NALCN: variants seen among roughly 807,000 people sequenced by gnomAD.
NALCN encodes the protein sodium leak channel NALCN.
In NALCN, 111 loss-of-function variants were observed where a neutral mutation model predicts 225.3. The ratio of observed to expected loss-of-function variants is 0.49; its 90% CI spans 0.42 to 0.58. The LOEUF is 0.58. Among genes scored for constraint, NALCN ranks in the 20% least tolerant of loss-of-function variants. The pLI is 0.00. For synonymous variants in NALCN, 764 were observed against 769.0 expected, an observed-to-expected ratio of 0.99 and a Z score of 0.11; for missense variants, 1,378 against 2,202.4, an observed-to-expected ratio of 0.63 and a Z score of 7.49.
intron 26 of NALCN, among the ~76,000 whole-genome samples, chr13:101,101,674 T>G (rs2034830255): frequency 6.6e-6 from 1 of 152,168 alleles, no homozygotes; most frequent in African/African-American, 2.4e-5. Flanking sequence ...GAATGTTCTA[T>G]GCATAGAGGA....
intron 7 of NALCN, among the ~76,000 whole-genome samples, chr13:101,299,311 A>G (rs917721717): frequency 5.3e-5 from 8 of 152,244 alleles, no homozygotes; most frequent in African/African-American, 1.9e-4. Context: ...TACATTAATT[A>G]AAATCGAAAA....
chr13:101,081,344 GGTGT>G (rs2139507183), intron 34 of NALCN, among the ~76,000 whole-genome samples, 179 bp downstream of exon 34: 1 of 152,176 alleles, frequency 6.6e-6, no homozygotes, highest in South Asian at 2.1e-4. Flanking sequence ...AGAGTGTGGG[GGTGT>G]GTACATGTAG....
intron 34 of NALCN, among the ~76,000 whole-genome samples, chr13:101,079,029 G>C (rs1313088858): frequency 1.3e-5 from 2 of 152,192 alleles, no homozygotes; most frequent in Non-Finnish European, 2.9e-5. Flanking sequence ...TCTCTCTCCT[G>C]TTCCCTTGTG....
chr13:101,079,096 C>T (rs867427632), intron 34 of NALCN, among the ~76,000 whole-genome samples: 5 of 152,148 alleles, frequency 3.3e-5, no homozygotes, highest in African/African-American at 1.2e-4. Context: ...TGGGGCCTTC[C>T]CAGCCATGTG....
At chr13:101,409,471 CT>C (rs1344081278) in intron 1 of NALCN, among the ~76,000 whole-genome samples, 3 of 152,176 alleles carry the variant, frequency 2.0e-5, no homozygotes, top group Non-Finnish European at 4.4e-5. Flanking sequence ...CTCCCAGCCC[CT>C]GGCCACCACC....
At chr13:101,238,041 A>G in intron 11 of NALCN, 119 bp from the exon 12 acceptor site, 1 of 746,154 alleles carries the variant, frequency 1.3e-6, no homozygotes. Flanking sequence ...GGTGCCCCAT[A>G]AGGTCAAGAA....
chr13:101,202,629 C>T (rs940543120), intron 13 of NALCN, among the ~76,000 whole-genome samples: 53 of 152,284 alleles, frequency 3.5e-4, no homozygotes, highest in Middle Eastern at 3.4e-3. Flanking sequence ...CCCTAGCCAT[C>T]CAGCTGCCCT....
chr13:101,415,224 TACATAC>T (rs1566669149), intron 1 of NALCN, among the ~76,000 whole-genome samples: 4 of 76,728 alleles, frequency 5.2e-5, no homozygotes, highest in Admixed American at 1.0e-4. Flanking sequence ...TATATATATA[TACATAC>T]ATATATATTT....
At chr13:101,144,721 A>G (rs2037258990) in intron 16 of NALCN, 39 bp downstream of exon 16, 8 of 1,585,072 alleles carry the variant, frequency 5.0e-6, no homozygotes, top group Non-Finnish European at 6.9e-6. Context: ...ATCTTTTACA[A>G]TATATGTGAA....
intron 6 of NALCN, chr13:101,368,757 G>C (rs1333441407): frequency 6.5e-6 from 1 of 154,268 alleles, no homozygotes; most frequent in Non-Finnish European, 1.4e-5. Flanking sequence ...TTTAATCCCA[G>C]CACTTTGGGA....
chr13:101,083,980 A>C (rs2033802391), intron 30 of NALCN, among the ~76,000 whole-genome samples, 176 bp from the exon 31 acceptor site: 1 of 152,120 alleles, frequency 6.6e-6, no homozygotes, highest in African/African-American at 2.4e-5. Context: ...TCTCGGGAGG[A>C]GTTCCCAAAA....
chr13:101,123,753 T>A (rs1043511507), intron 18 of NALCN, among the ~76,000 whole-genome samples: 1 of 152,186 alleles, frequency 6.6e-6, no homozygotes, highest in Non-Finnish European at 1.5e-5. Context: ...GTTTTAAAGA[T>A]CATATATACT....
At chr13:101,378,544 T>C in intron 4 of NALCN, 26 bp downstream of exon 4, 1 of 1,562,924 alleles carries the variant, frequency 6.4e-7, no homozygotes, top group African/African-American at 1.4e-5. Context: ...GAATACCTGC[T>C]TGTAATTTAA....
At chr13:101,159,004 C>G (rs893864053) in intron 15 of NALCN, among the ~76,000 whole-genome samples, 4 of 152,076 alleles carry the variant, frequency 2.6e-5, no homozygotes, top group Admixed American at 2.6e-4. Flanking sequence ...ATTTTAGGCA[C>G]AAATCCAGAG....
At chr13:101,128,967 C>T (rs913762598) in intron 17 of NALCN, among the ~76,000 whole-genome samples, 1 of 152,164 alleles carries the variant, frequency 6.6e-6, no homozygotes, top group Non-Finnish European at 1.5e-5. Context: ...GAGGTTTCAT[C>T]ATACAGACTC....
chr13:101,360,325 C>T (rs1295221558), intron 6 of NALCN, among the ~76,000 whole-genome samples: 2 of 151,560 alleles, frequency 1.3e-5, no homozygotes, highest in East Asian at 3.9e-4. Flanking sequence ...CCCTCACCTC[C>T]CGGCTCCAAC....
chr13:101,152,788 T>A lies in NALCN; in HGVS notation c.1840-7892A>T, dbSNP rs56291093. ...ATTTTATATTATATCTGTCCTTTGT[T>A]ACTCCACTGAGACACAGTTGTTTCC... is the stretch of plus-strand genomic sequence containing the variant. On this transcript the variant is annotated intron_variant, in intron 15 of 43. Transcript: ENST00000251127. Among the ~76,000 whole-genome samples the A allele has an allele frequency of 2.7e-3, 405 of 152,306 alleles. 1 individual carries two copies. Among genetic ancestry groups the A allele is most frequent in the Non-Finnish European group, 3.8e-3 (260 of 68,028 alleles).
chr13:101,216,517 A>G (rs1406157644), intron 13 of NALCN, among the ~76,000 whole-genome samples: 1 of 151,510 alleles, frequency 6.6e-6, no homozygotes, highest in Non-Finnish European at 1.5e-5. Context: ...ATTATTATTC[A>G]TATCTTTTTG....
intron 40 of NALCN, among the ~76,000 whole-genome samples, chr13:101,062,922 G>T (rs936273248): frequency 6.6e-6 from 1 of 152,142 alleles, no homozygotes; most frequent in African/African-American, 2.4e-5. Context: ...AATTTCAGAG[G>T]CTACCAAACA....
Sources: gnomAD v4.1 joint callset for allele counts (sites outside exome capture counted in the v4.1 genomes callset) on GRCh38, gnomAD v4.1.1 for gene constraint, MANE v1.5 for transcripts, NCBI Gene and HGNC (gene_info 2026-07-23, HGNC 2026-07-21) for gene names.